UBASH3B: variants seen among roughly 807,000 people sequenced by gnomAD.
The protein encoded by UBASH3B is ubiquitin-associated and SH3 domain-containing protein B.
UBASH3B carries 37 observed loss-of-function variants against 83.4 expected under a neutral mutation model. The ratio of observed to expected loss-of-function variants is 0.44; its 90% CI spans 0.34 to 0.58. UBASH3B has a LOEUF of 0.58. UBASH3B is among the 20% of genes least tolerant of loss of function. UBASH3B has a pLI of 0.01. For synonymous variants in UBASH3B, 304 were observed against 318.3 expected (o/e 0.96, Z 0.48); for missense variants, 657 against 827.2 (o/e 0.79, Z 2.52).
intron 1 of UBASH3B, among the ~76,000 whole-genome samples, chr11:122,719,723 C>T (rs75116395): frequency 0.027 from 4,126 of 152,162 alleles, 73 homozygotes; most frequent in Middle Eastern, 0.068. Context: ...TTTCCACTTC[C>T]TATCCTCCTC....
At chr11:122,760,786 T>C (rs1861358807) in intron 1 of UBASH3B, among the ~76,000 whole-genome samples, 1 of 152,124 alleles carries the variant, frequency 6.6e-6, no homozygotes, top group African/African-American at 2.4e-5. Flanking sequence ...TCTAAACATG[T>C]TTTTGGAGAT....
Position 122,777,292 on chromosome 11 carries a change from C to T in UBASH3B, c.402+82C>T. On this transcript the variant is annotated intron_variant, in intron 3 of 13. Coordinates refer to ENST00000284273, the MANE Select transcript of UBASH3B (RefSeq NM_032873.5). ...CTTTGGGACCTGGAGCAAAGGGAGG[C>T]CTCGCAGGAAGACAGCAGGAATAGT... 2.1e-6 allele frequency: 3 copies of T among 1,436,240 alleles called. No homozygotes were observed. The South Asian group carries it at 4.1e-5, about 20-fold the overall frequency. The allele number at this position is 1,436,240 out of a possible 1,614,324, so 89.0% of individuals were successfully genotyped here.
chr11:122,744,869 G>A (rs1861086329), intron 1 of UBASH3B, among the ~76,000 whole-genome samples: 1 of 136,918 alleles, frequency 7.3e-6, no homozygotes, highest in Non-Finnish European at 1.6e-5. Flanking sequence ...TCACATGTGT[G>A]ACTCTGTGTG....
chr11:122,702,189 T>C (rs1864047550), intron 1 of UBASH3B, among the ~76,000 whole-genome samples: 1 of 152,154 alleles, frequency 6.6e-6, no homozygotes. Flanking sequence ...TGAGGAAAAG[T>C]AGCATTTGTT....
chr11:122,674,929 A>T lies in UBASH3B; in HGVS notation c.161+18719A>T, dbSNP rs538617959. On this transcript the variant is annotated intron_variant, in intron 1 of 13. Coordinates refer to ENST00000284273, the MANE Select transcript of UBASH3B (RefSeq NM_032873.5). ...TTTTTTGTAGAGACAGGGTTTCACCATGTTGGCCAGGCTGGTCTCGAACTC... is the reference window on the plus strand; with the variant it reads ...TTTTTTGTAGAGACAGGGTTTCACCTTGTTGGCCAGGCTGGTCTCGAACTC... Among the ~76,000 whole-genome samples, 8 of 151,792 alleles carry T rather than the reference A, an allele frequency of 5.3e-5. No homozygotes were observed. In the East Asian group the frequency reaches 1.6e-3, roughly 30 times the overall value.
intron 1 of UBASH3B, among the ~76,000 whole-genome samples, chr11:122,748,531 G>C (rs1861154608): frequency 6.6e-6 from 1 of 152,190 alleles, no homozygotes; most frequent in African/African-American, 2.4e-5. Context: ...TTTAATCTCA[G>C]TTTAGCTTCC....
intron 1 of UBASH3B, among the ~76,000 whole-genome samples, chr11:122,766,675 G>T (rs1428430976): frequency 6.6e-6 from 1 of 152,254 alleles, no homozygotes; most frequent in Non-Finnish European, 1.5e-5. Flanking sequence ...CCCGGGAGGC[G>T]GGGCTGGCAG....
intron 1 of UBASH3B, among the ~76,000 whole-genome samples, chr11:122,697,918 G>C (rs1247133089): frequency 6.6e-6 from 1 of 152,154 alleles, no homozygotes; most frequent in Admixed American, 6.5e-5. Flanking sequence ...ACAGCCTCCG[G>C]AAACACATTC....
At chr11:122,721,739 G>C (rs761176561) in intron 1 of UBASH3B, among the ~76,000 whole-genome samples, 17 of 152,196 alleles carry the variant, frequency 1.1e-4, no homozygotes, top group Non-Finnish European at 2.4e-4. Flanking sequence ...TTACCCTAGT[G>C]AGGTTGCTCA....
intron 3 of UBASH3B, among the ~76,000 whole-genome samples, chr11:122,778,631 G>A (rs928302218): frequency 7.5e-6 from 1 of 132,606 alleles, no homozygotes; most frequent in African/African-American, 2.9e-5. Context: ...TGGATATATA[G>A]TCTCTCTCTG....
Position 122,655,750 on chromosome 11 carries a change from G to A in UBASH3B, c.-300G>A, listed in dbSNP as rs558665410. ...GCAAATTCCCGGACTGCTAGGCGAG[G>A]AGAGGGAAGGGGGCGGAGGAGACAG... On this transcript the variant is annotated 5_prime_UTR_variant, in exon 1 of 14. Coordinates refer to ENST00000284273, the MANE Select transcript of UBASH3B (RefSeq NM_032873.5). The A allele has an allele frequency of 3.9e-4, 134 of 344,496 alleles. 1 individual carries two copies. In the East Asian group the frequency reaches 5.9e-3, roughly 15 times the overall value. 21.3% of individuals were successfully genotyped at this position (344,496 alleles called of 1,614,324 possible). A position where few individuals can be genotyped will look rare whatever the true frequency, so the allele number is the denominator to read the frequency against.
intron 1 of UBASH3B, among the ~76,000 whole-genome samples, chr11:122,685,213 T>C (rs79340989): frequency 6.6e-6 from 1 of 152,288 alleles, no homozygotes; most frequent in East Asian, 1.9e-4. Flanking sequence ...ACTTGCCTTG[T>C]TTTTCTTCTT....
chr11:122,699,333 G>A (rs961929416), intron 1 of UBASH3B, among the ~76,000 whole-genome samples: 11 of 152,252 alleles, frequency 7.2e-5, no homozygotes, highest in African/African-American at 1.9e-4. Flanking sequence ...AGTGTGGCAC[G>A]TGGAGTCACC....
At chr11:122,802,102 G>A (rs1050607135) in intron 11 of UBASH3B, among the ~76,000 whole-genome samples, 3 of 152,052 alleles carry the variant, frequency 2.0e-5, no homozygotes, top group Admixed American at 1.3e-4. Context: ...GGATCGTGAG[G>A]TCAGGAGATC....
intron 1 of UBASH3B, among the ~76,000 whole-genome samples, chr11:122,757,709 C>CTTTTTTTTT (rs781180822): frequency 3.3e-5 from 3 of 92,114 alleles, no homozygotes; most frequent in Non-Finnish European, 6.7e-5. Context: ...CTTCTTTTCC[C>CTTTTTTTTT]TTTTTTTTTT....
chr11:122,718,003 C>A (rs1405364331), intron 1 of UBASH3B, among the ~76,000 whole-genome samples: 2 of 151,932 alleles, frequency 1.3e-5, no homozygotes, highest in East Asian at 3.9e-4. Context: ...CTCACCGTAA[C>A]CTTCGCCTCC....
At chr11:122,729,975 TAAAAAAAAAAA>T (rs34778631) in intron 1 of UBASH3B, among the ~76,000 whole-genome samples, 1,089 of 27,966 alleles carry the variant, frequency 0.039, 12 homozygotes, top group East Asian at 0.059. Flanking sequence ...AGACCCTATC[TAAAAAAAAAAA>T]AAAAAAAAAA....
chr11:122,802,534 A>G (rs1861276947), intron 11 of UBASH3B, among the ~76,000 whole-genome samples: 1 of 152,136 alleles, frequency 6.6e-6, no homozygotes, highest in Admixed American at 6.5e-5. Flanking sequence ...CATTTTAAAT[A>G]CCTACCCAAA....
intron 1 of UBASH3B, among the ~76,000 whole-genome samples, chr11:122,740,484 G>A (rs919384177): frequency 6.6e-6 from 1 of 152,198 alleles, no homozygotes; most frequent in African/African-American, 2.4e-5. Context: ...AATATGTGTT[G>A]TGTGCATGGT....
Sources: gnomAD v4.1 joint callset for allele counts (sites outside exome capture counted in the v4.1 genomes callset) on GRCh38, gnomAD v4.1.1 for gene constraint, MANE v1.5 for transcripts, NCBI Gene and HGNC (gene_info 2026-07-23, HGNC 2026-07-21) for gene names.